Variants in VWA8 observed in about 807,000 individuals in gnomAD.
VWA8 encodes von Willebrand factor A domain-containing protein 8.
VWA8 carries 221 observed loss-of-function variants against 241.5 expected under a neutral mutation model. The ratio of observed to expected loss-of-function variants is 0.91; its 90% CI spans 0.82 to 1.02. The LOEUF (loss-of-function observed/expected upper bound fraction) is 1.02. Ranked by LOEUF, VWA8 falls within the 50% of genes least tolerant of loss-of-function variation. VWA8 has a pLI of 0.00. For missense variants in VWA8, 2,322 were observed against 2,328.7 expected (o/e 1.00, Z 0.06); for synonymous variants, 852 against 827.1 (o/e 1.03, Z -0.52).
chr13:41,927,052 GAAGA>G, intron 2 of VWA8: 1 of 382,078 alleles, frequency 2.6e-6, no homozygotes, highest in Non-Finnish European at 5.1e-6. Context: ...TGCTTGTCAT[GAAGA>G]AAGAGATAAG....
At chr13:41,871,127 A>G (rs1176240804) in intron 9 of VWA8, among the ~76,000 whole-genome samples, 1 of 152,138 alleles carries the variant, frequency 6.6e-6, no homozygotes, top group Non-Finnish European at 1.5e-5. Context: ...TATAACCCAA[A>G]TGCAACTACT....
chr13:41,603,057 C>T (rs924488334), intron 40 of VWA8, among the ~76,000 whole-genome samples: 6 of 152,132 alleles, frequency 3.9e-5, no homozygotes, highest in African/African-American at 1.4e-4. Context: ...ATAATAAAAA[C>T]TCCCCTGAAA....
chr13:41,610,555 T>C (rs1028944510), intron 39 of VWA8, among the ~76,000 whole-genome samples: 2 of 152,174 alleles, frequency 1.3e-5, no homozygotes, highest in African/African-American at 4.8e-5. Context: ...GCCTGCATTC[T>C]TGTCTCTATT....
chr13:41,784,592 G>A (rs891837407), intron 18 of VWA8, among the ~76,000 whole-genome samples: 1 of 142,512 alleles, frequency 7.0e-6, no homozygotes, highest in African/African-American at 2.6e-5. Flanking sequence ...TGAGCCTGGA[G>A]GTTGAGGCTA....
intron 24 of VWA8, among the ~76,000 whole-genome samples, chr13:41,722,453 A>G (rs2045400428): frequency 6.6e-6 from 1 of 152,192 alleles, no homozygotes; most frequent in Non-Finnish European, 1.5e-5. Context: ...ACTTTGATTT[A>G]GGAACCATTT....
chr13:41,811,380 C>A, intron 16 of VWA8, 40 bp from the exon 17 acceptor site: 1 of 1,539,880 alleles, frequency 6.5e-7, no homozygotes, highest in South Asian at 1.2e-5. Context: ...AGTCTTGTTT[C>A]AACTTGCTAA....
At chr13:41,586,451 G>C (rs1173793019) in intron 42 of VWA8, among the ~76,000 whole-genome samples, 4 of 152,334 alleles carry the variant, frequency 2.6e-5, no homozygotes, top group African/African-American at 9.6e-5. Flanking sequence ...TACTTGGACA[G>C]AGCCCGGCAA....
At chr13:41,571,881 G>A (rs181283794) in intron 43 of VWA8, among the ~76,000 whole-genome samples, 3 of 152,014 alleles carry the variant, frequency 2.0e-5, no homozygotes, top group African/African-American at 2.4e-5. Flanking sequence ...CTTCCCGGCC[G>A]CCATCCTGTC....
intron 36 of VWA8, 98 bp from the exon 37 acceptor site, chr13:41,671,245 G>A (rs2137799093): frequency 7.7e-7 from 1 of 1,294,134 alleles, no homozygotes; most frequent in East Asian, 2.3e-5. Context: ...GAAAAAGTAT[G>A]CTCACACTAC....
chr13:41,863,430 TGTG>T (rs1177714316), intron 12 of VWA8, among the ~76,000 whole-genome samples: 1 of 80,960 alleles, frequency 1.2e-5, no homozygotes, highest in Non-Finnish European at 2.6e-5. Flanking sequence ...TGTGTGTGTG[TGTG>T]TATATATATA....
chr13:41,751,100 A>G (rs934500080), intron 21 of VWA8, among the ~76,000 whole-genome samples: 3 of 152,016 alleles, frequency 2.0e-5, no homozygotes, highest in Non-Finnish European at 4.4e-5. Flanking sequence ...AGCTTAGAAC[A>G]GTGCCTGGCA....
intron 37 of VWA8, among the ~76,000 whole-genome samples, chr13:41,669,670 C>T (rs1346070130): frequency 2.0e-5 from 3 of 152,086 alleles, no homozygotes; most frequent in East Asian, 3.8e-4. Flanking sequence ...TGATCTCTAC[C>T]ACATATAAAA....
At chr13:41,940,050 A>G (rs936059769) in intron 2 of VWA8, among the ~76,000 whole-genome samples, 2 of 152,234 alleles carry the variant, frequency 1.3e-5, no homozygotes, top group African/African-American at 2.4e-5. Context: ...AAGAGTAGCT[A>G]GTAAATAGCT....
chr13:41,803,159 A>T (rs977998912), intron 17 of VWA8, among the ~76,000 whole-genome samples: 3 of 152,212 alleles, frequency 2.0e-5, no homozygotes, highest in Non-Finnish European at 4.4e-5. Flanking sequence ...TAGATCACAC[A>T]CTCAATTCTC....
At chr13:41,711,675 C>A (rs1017028711) in intron 26 of VWA8, among the ~76,000 whole-genome samples, 5 of 152,090 alleles carry the variant, frequency 3.3e-5, no homozygotes, top group African/African-American at 1.2e-4. Context: ...GAGATCGAGA[C>A]CATCCTAGCT....
intron 26 of VWA8, among the ~76,000 whole-genome samples, chr13:41,706,039 G>C (rs1290030094): frequency 6.6e-6 from 1 of 151,930 alleles, no homozygotes; most frequent in East Asian, 1.9e-4. Context: ...AACAATCTTT[G>C]GTTGATACCT....
At chr13:41,581,239 T>C (rs2044381484) in intron 42 of VWA8, among the ~76,000 whole-genome samples, 1 of 77,136 alleles carries the variant, frequency 1.3e-5, no homozygotes, top group Non-Finnish European at 2.1e-5. Context: ...CCTGACCTCG[T>C]GATCCGCCCG....
At chr13:41,674,097 G>A (rs2045043817) in intron 36 of VWA8, among the ~76,000 whole-genome samples, 1 of 152,154 alleles carries the variant, frequency 6.6e-6, no homozygotes, top group Non-Finnish European at 1.5e-5. Context: ...ACATTAGGAT[G>A]TTCCAAGAAG....
At chr13:41,867,795 G>A (rs1873381619) in intron 10 of VWA8, among the ~76,000 whole-genome samples, 1 of 152,102 alleles carries the variant, frequency 6.6e-6, no homozygotes, top group African/African-American at 2.4e-5. Flanking sequence ...CAGGAGTATT[G>A]TTTGAGCTCA....
Sources: gnomAD v4.1 joint callset for allele counts (sites outside exome capture counted in the v4.1 genomes callset) on GRCh38, gnomAD v4.1.1 for gene constraint, MANE v1.5 for transcripts, NCBI Gene and HGNC (gene_info 2026-07-23, HGNC 2026-07-21) for gene names.